PCDHGA1: variants seen among roughly 807,000 people sequenced by gnomAD.
The protein encoded by PCDHGA1 is protocadherin gamma subfamily A, 1.
A neutral mutation model predicts 58.0 loss-of-function variants in PCDHGA1; 32 were observed. That is an observed-to-expected ratio of 0.55 (90% CI 0.42 to 0.74). The LOEUF (loss-of-function observed/expected upper bound fraction) is 0.74. PCDHGA1 is among the 30% of genes least tolerant of loss of function. PCDHGA1 has a pLI of 0.00. For synonymous variants in PCDHGA1, 498 were observed against 501.1 expected (o/e 0.99, Z 0.08); for missense variants, 1,205 against 1,182.3 (o/e 1.02, Z -0.28).
chr5:141,398,344 C>T (rs901692894), intron 1 of PCDHGA1: 2 of 1,372,186 alleles, frequency 1.5e-6, no homozygotes, highest in Non-Finnish European at 2.0e-6. Context: ...TTCGGAGAAG[C>T]CTTACTTCAC....
chr5:141,354,916 A>T (rs916741222), intron 1 of PCDHGA1: 11 of 411,270 alleles, frequency 2.7e-5, no homozygotes, highest in Middle Eastern at 1.2e-3. Flanking sequence ...AAAAGTGTAT[A>T]AAAAATAAAC....
chr5:141,382,013 G>A (rs1000379234), intron 1 of PCDHGA1, among the ~76,000 whole-genome samples: 1 of 151,580 alleles, frequency 6.6e-6, no homozygotes, highest in Non-Finnish European at 1.5e-5. Context: ...ATTTTTAGTA[G>A]AGACGGGGTT....
In PCDHGA1 at chr5:141,466,692, A is replaced by G. The variant is rs185786515; in HGVS notation, c.2422-28115A>G. Among the ~76,000 whole-genome samples the G allele has an allele frequency of 3.0e-4, 46 of 152,280 alleles. 1 individual carries two copies. The highest frequency in any genetic ancestry group is 1.0e-3 in the African/African-American group (43 of 41,558). On this transcript the variant is annotated intron_variant, in intron 1 of 3. Coordinates refer to ENST00000517417, the MANE Select transcript of PCDHGA1 (RefSeq NM_018912.3). ...ACCGTTCTTCCACTCAAGCTTCATCATAAATTTGATGTCTGTTCTTGTTTC... is the reference window on the plus strand; with the variant it reads ...ACCGTTCTTCCACTCAAGCTTCATCGTAAATTTGATGTCTGTTCTTGTTTC...
rs759428451 is a variant in PCDHGA1 at position 141,331,939 on chromosome 5, A to C, written c.1255A>C (p.Asn419His). 6.2e-7 allele frequency: 1 copy of C among 1,614,072 alleles called. No homozygotes were observed. Residue 419 changes from asparagine to histidine, a missense_variant, in exon 1 of 4, where the codon AAC becomes CAC. Physicochemically the swap from Asn to His is moderately conservative, Grantham distance 68. Transcript: ENST00000517417. ...GGACAGAGAACTTATCTCTGGGTAC[A>C]ACATCACAATAACAGCAATAGACCA... is the stretch of plus-strand genomic sequence containing the variant. ...TLDRELISGY[N>H]ITITAIDQGT...
chr5:141,331,934 G>A lies in PCDHGA1; in HGVS notation c.1250G>A (p.Gly417Glu). Reference sequence around the variant, plus strand: ...ACACTGGACAGAGAACTTATCTCTGGGTACAACATCACAATAACAGCAATA... The same window carrying A: ...ACACTGGACAGAGAACTTATCTCTGAGTACAACATCACAATAACAGCAATA... ...ERTLDRELIS[G>E]YNITITAIDQ... The change falls in exon 1 of 4, where the codon GGG (glycine) becomes GAG (glutamate). Residue 417 changes from glycine (G) to glutamate (E), a missense_variant. Transcript: ENST00000517417. 8 of 1,613,964 alleles carry A rather than the reference G, an allele frequency of 5.0e-6. No homozygotes were observed. Among genetic ancestry groups the A allele is most frequent in the Non-Finnish European group, 6.8e-6 (8 of 1,180,000 alleles).
At chr5:141,481,013 A>G (rs1198627648) in intron 1 of PCDHGA1, among the ~76,000 whole-genome samples, 1 of 152,164 alleles carries the variant, frequency 6.6e-6, no homozygotes, top group Admixed American at 6.5e-5. Context: ...AGCCCAGATC[A>G]CACCACTGCA....
rs1204622509 is a variant in PCDHGA1, at chr5:141,332,103, T to C, written c.1419T>C (p.Ser473=). 3 of 1,614,030 alleles carry C rather than the reference T, an allele frequency of 1.9e-6. No individual in the cohort carries two copies. The highest frequency in any genetic ancestry group is 3.3e-5 in the Admixed American group (2 of 59,996). The change falls in exon 1 of 4, where the codon TCT becomes TCC. Residue 473 remains serine, a synonymous_variant. Transcript: ENST00000517417. The surrounding 1 kb of genome is among the most constrained non-coding windows in gnomAD (Gnocchi z 4.6). ...ENNPRGASIF[S]VRAHDLDSNE... ...ACCCCAGAGGAGCCTCCATCTTCTC[T>C]GTGAGGGCCCACGACTTGGACAGCA...
intron 1 of PCDHGA1, among the ~76,000 whole-genome samples, chr5:141,448,751 T>C (rs888567097): frequency 1.3e-5 from 2 of 151,804 alleles, no homozygotes; most frequent in South Asian, 4.2e-4. Context: ...CCATCCTGGC[T>C]AACACGGTGA....
At chr5:141,357,948 G>C (rs191828282) in intron 1 of PCDHGA1, among the ~76,000 whole-genome samples, 21 of 152,264 alleles carry the variant, frequency 1.4e-4, no homozygotes, top group African/African-American at 4.3e-4. Context: ...CTAACACTTT[G>C]GGAGTGTGAG....
intron 1 of PCDHGA1, among the ~76,000 whole-genome samples, chr5:141,397,443 A>G (rs1307784938): frequency 6.6e-6 from 1 of 152,244 alleles, no homozygotes; most frequent in African/African-American, 2.4e-5. Flanking sequence ...TATGTGTAAT[A>G]TAAAACACTA....
intron 2 of PCDHGA1, among the ~76,000 whole-genome samples, chr5:141,504,651 G>A (rs905210723): frequency 8.4e-6 from 1 of 119,750 alleles, no homozygotes; most frequent in Non-Finnish European, 1.6e-5. Flanking sequence ...ATGATAGAGT[G>A]TTTGAGGGCG....
In PCDHGA1 at chr5:141,404,687, C is replaced by T. The variant is rs190249934; in HGVS notation, c.2421+71582C>T. 2,728 of 1,614,088 alleles carry T rather than the reference C, an allele frequency of 1.7e-3. 3 individuals carry two copies. Among genetic ancestry groups the T allele is most frequent in the Non-Finnish European group, 2.2e-3 (2,615 of 1,179,946 alleles). On this transcript the variant is annotated intron_variant, in intron 1 of 3. Coordinates refer to ENST00000517417, the MANE Select transcript of PCDHGA1 (RefSeq NM_018912.3). ...TGGTTCTACTGGTGTGGAGCTGGCA[C>T]CCCGCTCTGCAGAGCCTGGCTACCT...
rs370966840 is a variant in PCDHGA1 at position 141,360,786 on chromosome 5, C to T, written c.2421+27681C>T. ...AATTGGTCCTCACAGCTGTGGATGG[C>T]GGAGACCCACCTCAAAGTGGCACGA... On this transcript the variant is annotated intron_variant, in intron 1 of 3. Coordinates refer to ENST00000517417, the MANE Select transcript of PCDHGA1 (RefSeq NM_018912.3). The T allele has an allele frequency of 1.7e-3, 2,804 of 1,612,498 alleles. 7 individuals carry two copies. The highest frequency in any genetic ancestry group is 2.1e-3 in the Non-Finnish European group (2,428 of 1,179,770).
At chr5:141,422,645 TCTCAGTGAC>T in intron 1 of PCDHGA1, 2 of 1,612,232 alleles carry the variant, frequency 1.2e-6, no homozygotes, top group Non-Finnish European at 1.7e-6. Flanking sequence ...GCCTCCATCT[TCTCAGTGAC>T]CGCCCTCGAC....
At chr5:141,350,364 T>G (rs1179382861) in intron 1 of PCDHGA1, 4 of 1,579,086 alleles carry the variant, frequency 2.5e-6, no homozygotes, top group Non-Finnish European at 2.6e-6. Context: ...CGATACACGA[T>G]TCCAGAGGAG....
intron 1 of PCDHGA1, chr5:141,339,433 T>C (rs1756836412): frequency 1.2e-6 from 2 of 1,614,206 alleles, no homozygotes; most frequent in East Asian, 2.2e-5. Context: ...GGATTCCTCT[T>C]AAGAATGCGC....
intron 1 of PCDHGA1, chr5:141,429,110 T>A (rs2097186231): frequency 6.6e-6 from 1 of 151,978 alleles, no homozygotes; most frequent in Non-Finnish European, 1.5e-5. Context: ...CGCCTCGGCC[T>A]CCCAAAGTGC....
Position 141,489,515 on chromosome 5 carries a change from G to C in PCDHGA1, c.2422-5292G>C, listed in dbSNP as rs983415025. On this transcript the variant is annotated intron_variant, in intron 1 of 3. Coordinates refer to ENST00000517417, the MANE Select transcript of PCDHGA1 (RefSeq NM_018912.3). The surrounding 1 kb of genome is among the most constrained non-coding windows in gnomAD (Gnocchi z 4.5). ...CTGGCAGTGAATCAAAAGATTGACC[G>C]AGAAAGCCTATGTGGAGCCAGCACC... 1 of 1,614,104 alleles carries C rather than the reference G, an allele frequency of 6.2e-7. No individual in the cohort carries two copies. The highest frequency in any genetic ancestry group is 8.5e-7 in the Non-Finnish European group (1 of 1,180,034).
At chr5:141,380,706 T>C (rs1203086162) in intron 1 of PCDHGA1, among the ~76,000 whole-genome samples, 1 of 152,260 alleles carries the variant, frequency 6.6e-6, no homozygotes, top group Non-Finnish European at 1.5e-5. Context: ...GTCTATAATT[T>C]AATTTAACTA....
Sources: gnomAD v4.1 joint callset for allele counts (sites outside exome capture counted in the v4.1 genomes callset) on GRCh38, gnomAD v4.1.1 for gene constraint, Gnocchi (gnomAD v3.1) non-coding constraint, MANE v1.5 for transcripts, NCBI Gene and HGNC (gene_info 2026-07-23, HGNC 2026-07-21) for gene names.